PLOD2: variants seen among roughly 807,000 people sequenced by gnomAD.
PLOD2 encodes procollagen-lysine,2-oxoglutarate 5-dioxygenase 2, also known as lysine hydroxylase 2.
PLOD2 carries 65 observed loss-of-function variants against 101.0 expected under a neutral mutation model. That is an observed-to-expected ratio of 0.64 (90% CI 0.53 to 0.79). The LOEUF is 0.79. Ranked by LOEUF, PLOD2 falls within the 30% of genes least tolerant of loss-of-function variation. PLOD2 has a pLI of 0.00. For synonymous variants in PLOD2, 314 were observed against 302.9 expected (o/e 1.04, Z -0.38); for missense variants, 909 against 914.6 (o/e 0.99, Z 0.08).
chr3:146,140,861 C>T (rs960375018), intron 1 of PLOD2, among the ~76,000 whole-genome samples: 2 of 152,050 alleles, frequency 1.3e-5, no homozygotes, highest in African/African-American at 4.8e-5. Context: ...ACATCTAAAT[C>T]TACAGAGCTG....
At position 146,120,434 on chromosome 3, in the gene PLOD2, T is replaced by G. The variant is rs376989194; in HGVS notation, c.338+678A>C. On this transcript the variant is annotated intron_variant, in intron 3 of 19. Transcript: ENST00000282903. Reference sequence around the variant, plus strand: ...TAGCCATATGTAGAAAGCTGAAACTTGATCCCTTCCTTACACCTTACACAA... The same window carrying G: ...TAGCCATATGTAGAAAGCTGAAACTGGATCCCTTCCTTACACCTTACACAA... 4.6e-5 allele frequency among the ~76,000 whole-genome samples: 7 copies of G among 152,028 alleles called. No individual in the cohort carries two copies. The East Asian group carries it at 5.8e-4, about 13-fold the overall frequency.
chr3:146,080,041 C>T (rs1936480218), intron 12 of PLOD2, among the ~76,000 whole-genome samples: 1 of 151,900 alleles, frequency 6.6e-6, no homozygotes, highest in African/African-American at 2.4e-5. Flanking sequence ...TTTTAGAGAA[C>T]ATCAAGGCAA....
At chr3:146,154,204 AT>A (rs1459595059) in intron 1 of PLOD2, among the ~76,000 whole-genome samples, 1 of 152,156 alleles carries the variant, frequency 6.6e-6, no homozygotes, top group African/African-American at 2.4e-5. Context: ...CAAGACTTTT[AT>A]TTGTATTAAA....
At chr3:146,078,714 A>C (rs1249674660) in intron 13 of PLOD2, among the ~76,000 whole-genome samples, 1 of 151,866 alleles carries the variant, frequency 6.6e-6, no homozygotes, top group East Asian at 1.9e-4. Context: ...GTGGACATTA[A>C]TTTTAGAACA....
chr3:146,103,504 G>A (rs1052008611), intron 6 of PLOD2, among the ~76,000 whole-genome samples: 7 of 150,360 alleles, frequency 4.7e-5, no homozygotes, highest in African/African-American at 9.8e-5. Context: ...TTCTGGCCCC[G>A]GCTGGAGTGC....
intron 3 of PLOD2, among the ~76,000 whole-genome samples, chr3:146,119,705 T>G (rs2108088221): frequency 6.6e-6 from 1 of 152,224 alleles, no homozygotes; most frequent in South Asian, 2.1e-4. Flanking sequence ...TGGTTTTTTG[T>G]CCTTGCGATA....
chr3:146,099,566 T>G (rs1341614366), intron 7 of PLOD2, among the ~76,000 whole-genome samples: 1 of 152,048 alleles, frequency 6.6e-6, no homozygotes. Context: ...TTTTCTTTTT[T>G]TTTTCTTTGT....
chr3:146,084,433 A>G (rs2108016143), intron 11 of PLOD2, among the ~76,000 whole-genome samples: 1 of 152,254 alleles, frequency 6.6e-6, no homozygotes, highest in Non-Finnish European at 1.5e-5. Context: ...TTTCCCATGT[A>G]TCTTACTTAA....
intron 2 of PLOD2, among the ~76,000 whole-genome samples, chr3:146,121,588 C>CT (rs940123375): frequency 4.6e-5 from 7 of 151,880 alleles, no homozygotes; most frequent in Non-Finnish European, 8.8e-5. Context: ...TCCCATATCA[C>CT]TTTTTTTTCA....
intron 7 of PLOD2, among the ~76,000 whole-genome samples, chr3:146,093,317 C>G (rs192062143): frequency 6.6e-6 from 1 of 152,228 alleles, no homozygotes; most frequent in African/African-American, 2.4e-5. Context: ...AAGACATGGA[C>G]AAGTAAGCCA....
chr3:146,096,605 G>C (rs1308462174), intron 7 of PLOD2, among the ~76,000 whole-genome samples: 1 of 93,804 alleles, frequency 1.1e-5, no homozygotes, highest in Non-Finnish European at 2.2e-5. Flanking sequence ...GAGTGTCTCT[G>C]CCCGGCCGCT....
chr3:146,136,898 CA>C, intron 1 of PLOD2, among the ~76,000 whole-genome samples: 1 of 152,244 alleles, frequency 6.6e-6, no homozygotes, highest in East Asian at 1.9e-4. Context: ...ACTCAATTCT[CA>C]GAAGGTATCT....
intron 1 of PLOD2, among the ~76,000 whole-genome samples, chr3:146,132,902 G>A (rs1486559446): frequency 1.3e-5 from 2 of 152,202 alleles, no homozygotes; most frequent in African/African-American, 2.4e-5. Flanking sequence ...AGCCTGGCTG[G>A]ATCCGGTAGC....
chr3:146,073,217 T>C (rs1396218058), intron 16 of PLOD2, 70 bp downstream of exon 16: 17 of 625,264 alleles, frequency 2.7e-5, no homozygotes, highest in African/African-American at 2.6e-4. Context: ...TCTGTGAAAG[T>C]AGTATTAATA....
intron 1 of PLOD2, among the ~76,000 whole-genome samples, chr3:146,144,271 T>A (rs2031666158): frequency 6.6e-6 from 1 of 152,094 alleles, no homozygotes; most frequent in Admixed American, 6.6e-5. Flanking sequence ...GAAACAGAAG[T>A]GGCAAAAAAT....
chr3:146,125,710 G>A (rs2030524408), intron 1 of PLOD2, among the ~76,000 whole-genome samples: 2 of 152,104 alleles, frequency 1.3e-5, no homozygotes, highest in South Asian at 2.1e-4. Context: ...TCACACGGCT[G>A]CACTCCAGCC....
intron 7 of PLOD2, among the ~76,000 whole-genome samples, chr3:146,097,432 CTT>C (rs1442315841): frequency 8.3e-6 from 1 of 121,204 alleles, no homozygotes; most frequent in East Asian, 2.5e-4. Flanking sequence ...ACATGGGAGA[CTT>C]TTCATTTTGT....
At position 146,114,442 on chromosome 3, in the gene PLOD2, T is replaced by C. The variant is rs551859393; in HGVS notation, c.339-3994A>G. ...TATCCTCGAAGAGATGACCTGTAGA[T>C]AAGCAAAAGTATCCAGCCAACAGTC... On this transcript the variant is annotated intron_variant, in intron 3 of 19. Coordinates refer to ENST00000282903, the MANE Select transcript of PLOD2 (RefSeq NM_182943.3). Among the ~76,000 whole-genome samples, 4 of 152,164 alleles carry C rather than the reference T, an allele frequency of 2.6e-5. No homozygotes were observed. The East Asian group carries it at 7.8e-4, about 29-fold the overall frequency.
At chr3:146,107,454 C>G (rs1007184585) in intron 4 of PLOD2, among the ~76,000 whole-genome samples, 4 of 151,830 alleles carry the variant, frequency 2.6e-5, no homozygotes, top group African/African-American at 4.8e-5. Flanking sequence ...CAATGTTACT[C>G]CTGTGAGTTG....
Sources: allele counts gnomAD v4.1 joint callset (sites outside exome capture counted in the v4.1 genomes callset), GRCh38; gene constraint gnomAD v4.1.1; transcripts MANE v1.5; gene names NCBI Gene and HGNC (gene_info 2026-07-23, HGNC 2026-07-21).